Variants in MAF observed in about 807,000 individuals in gnomAD.
MAF encodes transcription factor Maf.
In MAF, 10 loss-of-function variants were observed where a neutral mutation model predicts 22.0. The observed-to-expected ratio is 0.45, with a 90% CI of 0.28 to 0.77. The LOEUF (loss-of-function observed/expected upper bound fraction) is 0.77. Among genes scored for constraint, MAF ranks in the 30% least tolerant of loss-of-function variants. The probability of loss-of-function intolerance (pLI) is 0.12; values close to 1 mark genes in which losing one functional copy is unlikely to be tolerated. For missense variants in MAF, 544 were observed against 548.4 expected (o/e 0.99, Z 0.08); for synonymous variants, 337 against 255.8 (o/e 1.32, Z -3.03).
At chr16:79,489,236 T>A in the MAF span, among the ~76,000 whole-genome samples, 2 of 152,134 alleles carry the variant, frequency 1.3e-5, no homozygotes, top group Non-Finnish European at 2.9e-5. Flanking sequence ...TGCCCATCCA[T>A]CTACTCATCC....
chr16:79,298,702 C>T, the MAF span, among the ~76,000 whole-genome samples: 2 of 152,146 alleles, frequency 1.3e-5, no homozygotes, highest in South Asian at 2.1e-4. Context: ...TGGAGCTGGG[C>T]GTAATACAGG....
the MAF span, among the ~76,000 whole-genome samples, chr16:79,470,150 G>A: frequency 6.6e-6 from 1 of 152,176 alleles, no homozygotes; most frequent in African/African-American, 2.4e-5. Context: ...GCTTACATTT[G>A]GAACATGAAA....
the MAF span, among the ~76,000 whole-genome samples, chr16:79,517,828 G>C: frequency 6.6e-6 from 1 of 152,070 alleles, no homozygotes; most frequent in East Asian, 1.9e-4. Flanking sequence ...ACCCGCCTCG[G>C]CCTCCCAAAG....
At chr16:79,285,195 T>C in the MAF span, among the ~76,000 whole-genome samples, 28 of 152,310 alleles carry the variant, frequency 1.8e-4, 1 homozygote, top group Middle Eastern at 6.8e-3. Flanking sequence ...CAGCAGCTTT[T>C]AAAGAAATAT....
chr16:79,216,621 A>C, the MAF span, among the ~76,000 whole-genome samples: 1 of 152,182 alleles, frequency 6.6e-6, no homozygotes, highest in Non-Finnish European at 1.5e-5. Context: ...TTCTGAACAC[A>C]TTAAAGGTAG....
At chr16:79,267,691 C>T in the MAF span, among the ~76,000 whole-genome samples, 1 of 152,172 alleles carries the variant, frequency 6.6e-6, no homozygotes, top group East Asian at 1.9e-4. Flanking sequence ...TCTACCTCCT[C>T]TTCTATGAAA....
At chr16:79,447,676 G>C in the MAF span, among the ~76,000 whole-genome samples, 1 of 152,062 alleles carries the variant, frequency 6.6e-6, no homozygotes, top group East Asian at 1.9e-4. Context: ...AACATTAATA[G>C]GAGTTTGTAA....
the MAF span, chr16:79,211,672 T>A: frequency 6.2e-7 from 1 of 1,614,190 alleles, no homozygotes; most frequent in South Asian, 1.1e-5. Context: ...CTGGGAGGGA[T>A]GTACTTCAAC....
chr16:79,577,427 G>C, the MAF span, among the ~76,000 whole-genome samples: 1 of 152,130 alleles, frequency 6.6e-6, no homozygotes, highest in African/African-American at 2.4e-5. Context: ...TAATTGCTTT[G>C]TGCCTGAGTC....
chr16:79,439,488 C>A, the MAF span, among the ~76,000 whole-genome samples: 4 of 152,034 alleles, frequency 2.6e-5, no homozygotes, highest in Non-Finnish European at 4.4e-5. Context: ...TCTCAATCTC[C>A]TGACCTCATG....
the MAF span, among the ~76,000 whole-genome samples, chr16:79,367,054 G>C: frequency 1.3e-5 from 2 of 152,092 alleles, no homozygotes; most frequent in Non-Finnish European, 2.9e-5. Context: ...GTGTGACGAA[G>C]AATAATTTAC....
chr16:79,403,753 C>T, the MAF span, among the ~76,000 whole-genome samples: 4 of 152,168 alleles, frequency 2.6e-5, no homozygotes, highest in Admixed American at 6.5e-5. Flanking sequence ...GAAAAACATA[C>T]GATCTATATT....
the MAF span, among the ~76,000 whole-genome samples, chr16:79,468,412 C>T: frequency 3.3e-5 from 5 of 152,218 alleles, no homozygotes; most frequent in African/African-American, 1.2e-4. Context: ...CTTGGGGTGT[C>T]CTCATGGCAA....
At chr16:79,260,337 A>G in the MAF span, among the ~76,000 whole-genome samples, 266 of 152,168 alleles carry the variant, frequency 1.7e-3, no homozygotes, top group African/African-American at 6.2e-3. Flanking sequence ...TTTTTTGTAG[A>G]GATGGGGTCC....
the MAF span, among the ~76,000 whole-genome samples, chr16:79,454,335 G>T: frequency 6.6e-6 from 1 of 152,094 alleles, no homozygotes; most frequent in African/African-American, 2.4e-5. Context: ...GAAGAGAGAG[G>T]GCCCTGCAGA....
At chr16:79,524,874 T>C in the MAF span, among the ~76,000 whole-genome samples, 1 of 152,218 alleles carries the variant, frequency 6.6e-6, no homozygotes. Context: ...ACAACATTTA[T>C]ATCTGCTTAA....
the MAF span, among the ~76,000 whole-genome samples, chr16:79,398,192 C>G: frequency 6.6e-6 from 1 of 152,090 alleles, no homozygotes; most frequent in Non-Finnish European, 1.5e-5. Context: ...CTTCTATTGC[C>G]ACATCTCCTC....
At chr16:79,541,776 G>C in the MAF span, among the ~76,000 whole-genome samples, 134,323 of 151,264 alleles carry the variant, frequency 0.89, 60,236 homozygotes, top group South Asian at 0.97. Flanking sequence ...CTGCCTCAGC[G>C]TCTTCAGTAG....
the MAF span, among the ~76,000 whole-genome samples, chr16:79,263,146 A>C: frequency 6.6e-6 from 1 of 152,200 alleles, no homozygotes; most frequent in Admixed American, 6.5e-5. Context: ...TGAACTAGGC[A>C]GACACGGCCT....
Sources: gnomAD v4.1 joint callset for allele counts (sites outside exome capture counted in the v4.1 genomes callset) on GRCh38, gnomAD v4.1.1 for gene constraint, MANE v1.5 for transcripts, NCBI Gene and HGNC (gene_info 2026-07-23, HGNC 2026-07-21) for gene names.